The following FCHSD2 variants were observed in gnomAD, a reference collection of about 807,000 sequenced individuals.
FCHSD2 encodes the protein F-BAR and double SH3 domains protein 2.
A neutral mutation model predicts 108.1 loss-of-function variants in FCHSD2; 38 were observed. That is an observed-to-expected ratio of 0.35 (90% CI 0.27 to 0.46). The LOEUF (loss-of-function observed/expected upper bound fraction) is 0.46. FCHSD2 is among the 20% of genes least tolerant of loss of function. FCHSD2 has a pLI of 1.00. For synonymous variants in FCHSD2, 279 were observed against 314.7 expected, an observed-to-expected ratio of 0.89 and a Z score of 1.20; for missense variants, 751 against 897.8, an observed-to-expected ratio of 0.84 and a Z score of 2.09.
At chr11:72,966,493 G>A (rs930713148) in intron 8 of FCHSD2, among the ~76,000 whole-genome samples, 4 of 151,932 alleles carry the variant, frequency 2.6e-5, no homozygotes, top group East Asian at 1.9e-4. Flanking sequence ...ATACTAATAC[G>A]GGAATTACAG....
At chr11:72,911,974 T>C (rs1337681476) in intron 9 of FCHSD2, among the ~76,000 whole-genome samples, 1 of 152,252 alleles carries the variant, frequency 6.6e-6, no homozygotes, top group Non-Finnish European at 1.5e-5. Flanking sequence ...CATATAGAAA[T>C]GCTACTTATT....
intron 8 of FCHSD2, among the ~76,000 whole-genome samples, chr11:72,968,865 A>G (rs1374801673): frequency 1.3e-5 from 2 of 152,238 alleles, no homozygotes; most frequent in Non-Finnish European, 2.9e-5. Flanking sequence ...GTTTTATTAT[A>G]GTAACATTAA....
chr11:73,137,759 G>T (rs1861156426), intron 2 of FCHSD2, among the ~76,000 whole-genome samples: 1 of 152,202 alleles, frequency 6.6e-6, no homozygotes, highest in Non-Finnish European at 1.5e-5. Flanking sequence ...GGGCATGAAT[G>T]TAGAGTGCAC....
intron 2 of FCHSD2, among the ~76,000 whole-genome samples, chr11:73,115,021 T>C (rs1016870364): frequency 6.6e-6 from 1 of 152,184 alleles, no homozygotes; most frequent in African/African-American, 2.4e-5. Flanking sequence ...CCTAGTGTCT[T>C]AGACTGCCTT....
chr11:72,892,898 G>A (rs566922829), intron 10 of FCHSD2, among the ~76,000 whole-genome samples: 15 of 47,486 alleles, frequency 3.2e-4, no homozygotes, highest in Middle Eastern at 9.1e-3. Flanking sequence ...GCCACCGTGC[G>A]TGGCTGGTAA....
chr11:72,985,709 G>A (rs981599716), intron 6 of FCHSD2, among the ~76,000 whole-genome samples: 2 of 152,062 alleles, frequency 1.3e-5, no homozygotes, highest in Non-Finnish European at 2.9e-5. Flanking sequence ...CCTGTATGAT[G>A]TAATCTTCTC....
Position 72,887,531 on chromosome 11 carries a change from T to C in FCHSD2, c.1085A>G (p.Gln362Arg), listed in dbSNP as rs1482085364. Residue 362 changes from glutamine to arginine, a missense_variant, in exon 12 of 20, where the codon CAA becomes CGA. Transcript: ENST00000409418. The stretch of plus-strand genomic sequence containing the variant: ...TTTCTGTTCTAGCTCTGCTCGGCTT[T>C]GTTCTGATACAGCAGCTCCATGACA... ...LECHGAAVSE[Q>R]SRAELEQKID... 1 of 1,603,780 alleles carries C rather than the reference T, an allele frequency of 6.2e-7. No homozygotes were observed. Among genetic ancestry groups the C allele is most frequent in the South Asian group, 1.1e-5 (1 of 88,862 alleles).
chr11:72,966,824 T>C (rs1410431501), intron 8 of FCHSD2, among the ~76,000 whole-genome samples: 2 of 151,966 alleles, frequency 1.3e-5, no homozygotes, highest in East Asian at 3.9e-4. Context: ...TAGAAGAAAA[T>C]ATAATAGAGG....
chr11:73,032,722 A>T (rs1179632614), intron 3 of FCHSD2, among the ~76,000 whole-genome samples: 1 of 152,112 alleles, frequency 6.6e-6, no homozygotes. Flanking sequence ...ATGAAAATTG[A>T]CATCTAAAAA....
chr11:73,060,105 C>T (rs1859125606), intron 3 of FCHSD2, among the ~76,000 whole-genome samples: 2 of 152,198 alleles, frequency 1.3e-5, no homozygotes, highest in African/African-American at 4.8e-5. Flanking sequence ...AGAAGCCTAG[C>T]CTTAACCTCT....
intron 8 of FCHSD2, among the ~76,000 whole-genome samples, chr11:72,936,323 C>T (rs1357207783): frequency 6.6e-6 from 1 of 152,222 alleles, no homozygotes; most frequent in Non-Finnish European, 1.5e-5. Context: ...TAGAACTGCT[C>T]TAAGTCTGTT....
At chr11:73,015,749 T>A in intron 4 of FCHSD2, 60 bp downstream of exon 4, 2 of 1,011,268 alleles carry the variant, frequency 2.0e-6, no homozygotes, top group Non-Finnish European at 3.0e-6. Flanking sequence ...ATTATCTATA[T>A]GTAACATAGC....
chr11:73,011,145 G>C (rs1857854942), intron 4 of FCHSD2, among the ~76,000 whole-genome samples: 1 of 152,152 alleles, frequency 6.6e-6, no homozygotes, highest in Non-Finnish European at 1.5e-5. Flanking sequence ...ACCCTAGCCT[G>C]TGTGCTCTGG....
chr11:72,910,622 G>C (rs1342844980), intron 9 of FCHSD2, among the ~76,000 whole-genome samples: 1 of 151,990 alleles, frequency 6.6e-6, no homozygotes, highest in Non-Finnish European at 1.5e-5. Context: ...ATGCCTGAAG[G>C]CAGCATGCTC....
intron 3 of FCHSD2, among the ~76,000 whole-genome samples, chr11:73,055,647 A>C (rs1457283807): frequency 1.3e-5 from 2 of 152,176 alleles, no homozygotes; most frequent in Non-Finnish European, 2.9e-5. Flanking sequence ...TATGTTACAA[A>C]TATATATATC....
chr11:72,920,433 C>T (rs1855956214), intron 9 of FCHSD2, among the ~76,000 whole-genome samples: 1 of 152,020 alleles, frequency 6.6e-6, no homozygotes, highest in African/African-American at 2.4e-5. Flanking sequence ...TCTAAATGGA[C>T]AAATAAACAT....
intron 2 of FCHSD2, among the ~76,000 whole-genome samples, chr11:73,090,219 C>CTTTTTT (rs59603567): frequency 1.3e-4 from 10 of 77,024 alleles, no homozygotes; most frequent in Middle Eastern, 9.6e-3. Context: ...TACAATACTT[C>CTTTTTT]TTTTTTTTTT....
At chr11:72,984,266 A>C (rs1374386417) in intron 7 of FCHSD2, 50 bp from the exon 8 acceptor site, 3 of 1,576,070 alleles carry the variant, frequency 1.9e-6, no homozygotes, top group Non-Finnish European at 2.6e-6. Flanking sequence ...ATTGTACTGC[A>C]AAACACATAG....
chr11:72,840,767 CT>C (rs1860900645), intron 19 of FCHSD2, 109 bp downstream of exon 19: 1 of 760,638 alleles, frequency 1.3e-6, no homozygotes, highest in Non-Finnish European at 2.2e-6. Flanking sequence ...CCAGTTCATC[CT>C]TGTTTGGCAT....
Sources: allele counts gnomAD v4.1 joint callset (sites outside exome capture counted in the v4.1 genomes callset), GRCh38; gene constraint gnomAD v4.1.1; transcripts MANE v1.5; gene names NCBI Gene and HGNC (gene_info 2026-07-23, HGNC 2026-07-21).